GSAP: variants seen among roughly 807,000 people sequenced by gnomAD.
GSAP encodes gamma-secretase-activating protein.
In GSAP, 118 loss-of-function variants were observed where a neutral mutation model predicts 131.7. The ratio of observed to expected loss-of-function variants is 0.90; its 90% CI spans 0.77 to 1.04. The LOEUF (loss-of-function observed/expected upper bound fraction) is 1.04. Among genes scored for constraint, GSAP ranks in the 50% least tolerant of loss-of-function variants. The probability of loss-of-function intolerance (pLI) is 0.00; values close to 1 mark genes in which losing one functional copy is unlikely to be tolerated. For synonymous variants in GSAP, 381 were observed against 363.4 expected, an observed-to-expected ratio of 1.05 and a Z score of -0.55; for missense variants, 1,019 against 1,013.2, an observed-to-expected ratio of 1.01 and a Z score of -0.08.
intron 2 of GSAP, among the ~76,000 whole-genome samples, chr7:77,405,414 A>T (rs1802092289): frequency 6.6e-6 from 1 of 152,246 alleles, no homozygotes; most frequent in Non-Finnish European, 1.5e-5. Flanking sequence ...ATTAGGTTTA[A>T]ACATTTTTAC....
At chr7:77,327,835 C>G (rs1035409043) in intron 22 of GSAP, among the ~76,000 whole-genome samples, 5 of 152,006 alleles carry the variant, frequency 3.3e-5, no homozygotes, top group Non-Finnish European at 5.9e-5. Context: ...CAGCCATCCC[C>G]GCTCCTAACC....
chr7:77,416,351 G>C, upstream of GSAP: 1 of 1,366,426 alleles, frequency 7.3e-7, no homozygotes, highest in Non-Finnish European at 9.8e-7. Flanking sequence ...GGCGGCTCTG[G>C]GGCCCCGCAC....
intron 22 of GSAP, chr7:77,327,042 A>C (rs750817085): frequency 3.3e-5 from 5 of 152,154 alleles, no homozygotes; most frequent in African/African-American, 7.2e-5. Flanking sequence ...CCCCGGGATA[A>C]ATCTTCCCTG....
intron 27 of GSAP, 136 bp downstream of exon 27, chr7:77,314,234 G>A: frequency 1.3e-6 from 1 of 779,156 alleles, no homozygotes; most frequent in Non-Finnish European, 2.1e-6. Flanking sequence ...AAGATGTAAT[G>A]CAGCATTAAA....
chr7:77,313,289 A>T (rs200834909), intron 28 of GSAP, among the ~76,000 whole-genome samples, 199 bp downstream of exon 28: 12,168 of 152,170 alleles, frequency 0.08, 583 homozygotes, highest in South Asian at 0.13. Context: ...GTGCAGAGCC[A>T]GAGAGCAAGT....
At chr7:77,317,375 C>CGAGGG in intron 26 of GSAP, among the ~76,000 whole-genome samples, 1 of 65,488 alleles carries the variant, frequency 1.5e-5, no homozygotes, top group African/African-American at 1.2e-4. Flanking sequence ...TGGGGCCTGT[C>CGAGGG]GTGGGGTTGG....
At chr7:77,320,578 C>T (rs903304383) in intron 26 of GSAP, 147 bp downstream of exon 26, 1 of 619,030 alleles carries the variant, frequency 1.6e-6, no homozygotes, top group African/African-American at 1.8e-5. Flanking sequence ...AGAGACCAAC[C>T]TAAGGGCCCA....
intron 19 of GSAP, among the ~76,000 whole-genome samples, chr7:77,333,221 A>G (rs1055455557): frequency 3.9e-5 from 6 of 152,180 alleles, no homozygotes; most frequent in African/African-American, 1.4e-4. Context: ...GGAAACTTGG[A>G]AAACAGAGAT....
Position 77,330,580 on chromosome 7 carries a change from T to C in GSAP, c.1546-213A>G, listed in dbSNP as rs561641734. The stretch of plus-strand genomic sequence containing the variant: ...CCACTTCATTTTCTGTCTCTTTTTT[T>C]TTTTTTTTTTTTTGTCGTTGTTTTT... On this transcript the variant is annotated intron_variant, in intron 19 of 30. Coordinates refer to ENST00000257626, the MANE Select transcript of GSAP (RefSeq NM_017439.4). 2.1e-5 allele frequency: 23 copies of C among 1,089,424 alleles called. No homozygotes were observed. The South Asian group carries it at 6.3e-4, about 30-fold the overall frequency. 67.5% of individuals were successfully genotyped at this position (1,089,424 alleles called of 1,614,324 possible). A position where few individuals can be genotyped will look rare whatever the true frequency, so the allele number is the denominator to read the frequency against.
At chr7:77,337,639 T>C (rs1454988786) in intron 19 of GSAP, among the ~76,000 whole-genome samples, 2 of 152,122 alleles carry the variant, frequency 1.3e-5, no homozygotes, top group Admixed American at 6.5e-5. Context: ...GAGCAGTAAG[T>C]TTTTGTCCTT....
At chr7:77,354,677 C>CTTTTT (rs58464934) in intron 16 of GSAP, among the ~76,000 whole-genome samples, 2 of 140,792 alleles carry the variant, frequency 1.4e-5, no homozygotes, top group Non-Finnish European at 3.1e-5. Flanking sequence ...CGTCTAATGT[C>CTTTTT]TTTTTTTTTT....
At chr7:77,361,622 T>C (rs1794531356) in intron 13 of GSAP, among the ~76,000 whole-genome samples, 2 of 152,212 alleles carry the variant, frequency 1.3e-5, no homozygotes, top group South Asian at 4.1e-4. Flanking sequence ...TGGCTTGGCA[T>C]AATTGTTTTT....
At chr7:77,357,547 T>C (rs1451765744) in intron 14 of GSAP, among the ~76,000 whole-genome samples, 1 of 151,996 alleles carries the variant, frequency 6.6e-6, no homozygotes, top group Non-Finnish European at 1.5e-5. Context: ...GTCCAATCTT[T>C]TGGGTTCCCT....
intron 19 of GSAP, among the ~76,000 whole-genome samples, chr7:77,345,776 C>T (rs1266183102): frequency 2.0e-5 from 3 of 152,170 alleles, no homozygotes; most frequent in Non-Finnish European, 4.4e-5. Flanking sequence ...CATCTCCCTT[C>T]GCTGACTCTT....
chr7:77,340,076 T>C (rs1408135671), intron 19 of GSAP, among the ~76,000 whole-genome samples: 3 of 152,326 alleles, frequency 2.0e-5, no homozygotes, highest in South Asian at 2.1e-4. Flanking sequence ...CATTCCACCA[T>C]TGTGATTTGT....
At chr7:77,416,185 A>T in intron 1 of GSAP, 28 bp downstream of exon 1, 2 of 312,572 alleles carry the variant, frequency 6.4e-6, no homozygotes, top group Admixed American at 8.2e-5. Flanking sequence ...CCCCGCCCCC[A>T]CCCCTCTCCG....
Position 77,330,262 on chromosome 7 carries a change from A to G in GSAP, c.1651T>C (p.Trp551Arg). Residue 551 changes from tryptophan (W) to arginine (R), a missense_variant, in exon 20 of 31, where the codon TGG (tryptophan) becomes CGG (arginine). Transcript: ENST00000257626. ...HYNNSVVRRE[W>R]HNLISEEKTG... ...ACCTCTTCAGAGATCAGGTTGTGCC[A>G]CTCTCTCCTGACCACACTGTTGTTA... 1.2e-6 allele frequency: 2 copies of G among 1,612,436 alleles called. No homozygotes were observed. The highest frequency in any genetic ancestry group is 1.7e-6 in the Non-Finnish European group (2 of 1,179,168).
At chr7:77,405,872 C>G (rs1252827960) in intron 2 of GSAP, among the ~76,000 whole-genome samples, 157 bp downstream of exon 2, 6 of 152,120 alleles carry the variant, frequency 3.9e-5, no homozygotes, top group Non-Finnish European at 5.9e-5. Context: ...TTTATTCAGT[C>G]TCACACACAC....
At chr7:77,315,628 A>C (rs555963957) in intron 26 of GSAP, 1 of 152,380 alleles carries the variant, frequency 6.6e-6, no homozygotes, top group African/African-American at 2.4e-5. Flanking sequence ...TGAAATTTGC[A>C]TCAACTGTGT....
Sources: gnomAD v4.1 joint callset for allele counts (sites outside exome capture counted in the v4.1 genomes callset) on GRCh38, gnomAD v4.1.1 for gene constraint, MANE v1.5 for transcripts, NCBI Gene and HGNC (gene_info 2026-07-23, HGNC 2026-07-21) for gene names.